CDK6: variants seen among roughly 807,000 people sequenced by gnomAD.
The protein encoded by CDK6 is cyclin dependent kinase 6.
CDK6 carries 6 observed loss-of-function variants against 37.1 expected under a neutral mutation model. That is an observed-to-expected ratio of 0.16 (90% CI 0.09 to 0.32). The LOEUF is 0.32. CDK6 is among the 10% of genes least tolerant of loss of function. The pLI is 1.00. For synonymous variants in CDK6, 160 were observed against 161.3 expected, an observed-to-expected ratio of 0.99 and a Z score of 0.06; for missense variants, 224 against 418.9, an observed-to-expected ratio of 0.53 and a Z score of 4.06.
intron 4 of CDK6, among the ~76,000 whole-genome samples, chr7:92,677,729 T>C (rs1447917001): frequency 6.6e-6 from 1 of 152,258 alleles, no homozygotes; most frequent in Non-Finnish European, 1.5e-5. Flanking sequence ...CAGTTTTAAT[T>C]TGTTAATTTA....
At chr7:92,814,887 T>A (rs1181222004) in intron 2 of CDK6, among the ~76,000 whole-genome samples, 1 of 151,890 alleles carries the variant, frequency 6.6e-6, no homozygotes, top group East Asian at 1.9e-4. Context: ...CCCCTTCATT[T>A]CAAAATCATT....
intron 5 of CDK6, among the ~76,000 whole-genome samples, chr7:92,663,420 T>TA (rs1796880247): frequency 1.3e-5 from 2 of 152,122 alleles, no homozygotes; most frequent in South Asian, 4.1e-4. Context: ...ATTTAAAAAA[T>TA]CAGGCCAGGC....
rs1795560657 is a variant in CDK6, at chr7:92,611,437, A to G, written c.*3703T>C. ...ACTCTCATGTGCTTATCATAAGAAT[A>G]GTCAAATTGTCACTTAAAAGAAAAG... On this transcript the variant is annotated 3_prime_UTR_variant, in exon 8 of 8. Coordinates refer to ENST00000424848, the MANE Select transcript of CDK6 (RefSeq NM_001145306.2). 1 of 226,986 alleles carries G rather than the reference A, an allele frequency of 4.4e-6. No homozygotes were observed. Among genetic ancestry groups the G allele is most frequent in the African/African-American group, 2.2e-5 (1 of 45,014 alleles). 14.1% of individuals were successfully genotyped at this position (226,986 alleles called of 1,614,324 possible). A position where few individuals can be genotyped will look rare whatever the true frequency, so the allele number is the denominator to read the frequency against.
intron 2 of CDK6, among the ~76,000 whole-genome samples, chr7:92,828,539 TA>T (rs1801391242): frequency 6.6e-6 from 1 of 152,310 alleles, no homozygotes; most frequent in East Asian, 1.9e-4. Flanking sequence ...GTTTCCTTCT[TA>T]AAAAACTTTC....
chr7:92,670,137 C>T (rs572485590), intron 5 of CDK6, among the ~76,000 whole-genome samples: 1 of 152,170 alleles, frequency 6.6e-6, no homozygotes, highest in Non-Finnish European at 1.5e-5. Context: ...TTCTTAGCTG[C>T]CTAATGTTAG....
intron 3 of CDK6, among the ~76,000 whole-genome samples, chr7:92,734,251 C>T (rs142383517): frequency 2.1e-4 from 32 of 152,244 alleles, no homozygotes; most frequent in African/African-American, 7.2e-4. Context: ...CCCACTATAG[C>T]GGGTCTGGTC....
intron 3 of CDK6, among the ~76,000 whole-genome samples, chr7:92,738,064 T>C (rs1798828844): frequency 6.6e-6 from 1 of 152,216 alleles, no homozygotes; most frequent in Non-Finnish European, 1.5e-5. Flanking sequence ...TATTTTGTGT[T>C]GTTGCAAGGA....
At chr7:92,762,570 C>CTTTTTT (rs34827459) in intron 3 of CDK6, among the ~76,000 whole-genome samples, 3 of 141,580 alleles carry the variant, frequency 2.1e-5, no homozygotes. Flanking sequence ...CATAGAACAC[C>CTTTTTT]TTTTTTTTTT....
intron 4 of CDK6, among the ~76,000 whole-genome samples, chr7:92,679,573 A>G (rs971279399): frequency 1.3e-5 from 2 of 152,202 alleles, no homozygotes; most frequent in African/African-American, 2.4e-5. Flanking sequence ...GGTTTTCTAA[A>G]CTGTGCTCTA....
intron 2 of CDK6, among the ~76,000 whole-genome samples, chr7:92,783,194 T>C (rs1435055913): frequency 6.6e-6 from 1 of 152,122 alleles, no homozygotes; most frequent in South Asian, 2.1e-4. Flanking sequence ...ATGTAAAACA[T>C]AGAGTAGAAA....
chr7:92,683,475 T>G (rs1352689221), intron 4 of CDK6, among the ~76,000 whole-genome samples: 1 of 152,208 alleles, frequency 6.6e-6, no homozygotes, highest in Non-Finnish European at 1.5e-5. Context: ...TTCTTCAACA[T>G]TTTAAAATTC....
At chr7:92,639,363 CTTAGGTTCTTTTGCATA>C (rs1796248891) in intron 5 of CDK6, among the ~76,000 whole-genome samples, 1 of 152,116 alleles carries the variant, frequency 6.6e-6, no homozygotes, top group Non-Finnish European at 1.5e-5. Flanking sequence ...TGACCAGATC[CTTAGGTTCTTTTGCATA>C]TTAGTGGTCT....
intron 5 of CDK6, among the ~76,000 whole-genome samples, chr7:92,634,317 T>C (rs1796121250): frequency 6.6e-6 from 1 of 152,198 alleles, no homozygotes; most frequent in Admixed American, 6.5e-5. Context: ...AGATTTGTGA[T>C]TTATGATAAA....
intron 3 of CDK6, among the ~76,000 whole-genome samples, chr7:92,757,203 G>A (rs1460892494): frequency 6.6e-6 from 1 of 152,066 alleles, no homozygotes; most frequent in Non-Finnish European, 1.5e-5. Flanking sequence ...TTTTTATATA[G>A]GTAAACTTGT....
At chr7:92,651,940 G>T (rs775758073) in intron 5 of CDK6, among the ~76,000 whole-genome samples, 3 of 152,072 alleles carry the variant, frequency 2.0e-5, no homozygotes, top group Non-Finnish European at 4.4e-5. Flanking sequence ...ATGGGTAAGG[G>T]ATGCAGTAAT....
In CDK6 at chr7:92,607,366, T is replaced by C. The variant is rs1383478331; in HGVS notation, c.*7774A>G. 4.3e-6 allele frequency: 1 copy of C among 233,186 alleles called. No individual in the cohort carries two copies. Among genetic ancestry groups the C allele is most frequent in the African/African-American group, 2.2e-5 (1 of 45,344 alleles). 14.4% of individuals were successfully genotyped at this position (233,186 alleles called of 1,614,324 possible). A position where few individuals can be genotyped will look rare whatever the true frequency, so the allele number is the denominator to read the frequency against. On this transcript the variant is annotated 3_prime_UTR_variant, in exon 8 of 8. Transcript: ENST00000424848. ...GCATATCTAAAATGCTTTTCTACCT[T>C]TAGTTTTTATTTTTGCTATATTTTT...
chr7:92,798,790 C>T (rs1025098783), intron 2 of CDK6, among the ~76,000 whole-genome samples: 1 of 152,130 alleles, frequency 6.6e-6, no homozygotes, highest in African/African-American at 2.4e-5. Context: ...CAGACACTTC[C>T]TCAGCCTTTA....
rs1183442609 is a variant in CDK6, at chr7:92,609,072, C to T, written c.*6068G>A. ...AGGCGGGGGATTTCTCAGCCAGTTTCTGACTGCCCCTAGTGTATGTGGCAT... is the reference window on the plus strand; with the variant it reads ...AGGCGGGGGATTTCTCAGCCAGTTTTTGACTGCCCCTAGTGTATGTGGCAT... On this transcript the variant is annotated 3_prime_UTR_variant, in exon 8 of 8. Coordinates refer to ENST00000424848, the MANE Select transcript of CDK6 (RefSeq NM_001145306.2). 2 of 233,170 alleles carry T rather than the reference C, an allele frequency of 8.6e-6. No homozygotes were observed. The highest frequency in any genetic ancestry group is 1.7e-5 in the Non-Finnish European group (2 of 118,116). The allele number at this position is 233,170 out of a possible 1,614,324, so 14.4% of individuals were successfully genotyped here.
At chr7:92,628,730 C>T (rs929237247) in intron 5 of CDK6, among the ~76,000 whole-genome samples, 1 of 152,090 alleles carries the variant, frequency 6.6e-6, no homozygotes, top group African/African-American at 2.4e-5. Flanking sequence ...ATTGTTGTAT[C>T]TGTTTATGCT....
Sources: gnomAD v4.1 joint callset for allele counts (sites outside exome capture counted in the v4.1 genomes callset) on GRCh38, gnomAD v4.1.1 for gene constraint, MANE v1.5 for transcripts, NCBI Gene and HGNC (gene_info 2026-07-23, HGNC 2026-07-21) for gene names.